The following NDUFS6 variants were observed in gnomAD, a reference collection of about 807,000 sequenced individuals.
NDUFS6 encodes NADH dehydrogenase [ubiquinone] iron-sulfur protein 6, mitochondrial.
A neutral mutation model predicts 13.2 loss-of-function variants in NDUFS6; 14 were observed. That is an observed-to-expected ratio of 1.06 (90% CI 0.70 to 1.66). The LOEUF is 1.66. Ranked by LOEUF, NDUFS6 falls within the 40% of genes most tolerant of loss-of-function variation. NDUFS6 has a pLI of 0.00. For synonymous variants in NDUFS6, 95 were observed against 72.3 expected, an observed-to-expected ratio of 1.31 and a Z score of -1.60; for missense variants, 206 against 170.8, an observed-to-expected ratio of 1.21 and a Z score of -1.15.
chr5:1,810,817 C>T (rs539673034), intron 2 of NDUFS6, among the ~76,000 whole-genome samples: 1 of 152,310 alleles, frequency 6.6e-6, no homozygotes, highest in South Asian at 2.1e-4. Flanking sequence ...TCCCCCGGCC[C>T]CCCAGCCCCT....
chr5:1,802,215 C>T, intron 1 of NDUFS6, 106 bp from the exon 2 acceptor site: 1 of 1,085,314 alleles, frequency 9.2e-7, no homozygotes, highest in Non-Finnish European at 1.4e-6. Flanking sequence ...TCATCAATGG[C>T]CTAAAAGTTA....
At chr5:1,802,005 T>C in intron 1 of NDUFS6, 1 of 422,956 alleles carries the variant, frequency 2.4e-6, no homozygotes, top group Non-Finnish European at 4.3e-6. Flanking sequence ...AATGGGGGGA[T>C]AGTAAAGCTC....
chr5:1,808,407 G>GCT (rs1360252759), intron 2 of NDUFS6, among the ~76,000 whole-genome samples: 2 of 152,340 alleles, frequency 1.3e-5, no homozygotes, highest in African/African-American at 4.8e-5. Flanking sequence ...AGAACCGTGG[G>GCT]TCTTTGCTTC....
rs1554018243 is a variant in NDUFS6 at position 1,802,319 on chromosome 5, A to G, written c.133-2A>G. 6.2e-7 allele frequency: 1 copy of G among 1,613,798 alleles called. No homozygotes were observed. Among genetic ancestry groups the G allele is most frequent in the Non-Finnish European group, 8.5e-7 (1 of 1,179,840 alleles). On this transcript the variant is annotated splice_acceptor_variant, in intron 1 of 3. Coordinates refer to ENST00000274137, the MANE Select transcript of NDUFS6 (RefSeq NM_004553.6). LOFTEE classifies it high-confidence loss of function. ...ACACATGGTCTTTTTGTTTTTTTCC[A>G]GGTTTATGATGATAAAGACTACAGG...
intron 2 of NDUFS6, among the ~76,000 whole-genome samples, chr5:1,811,179 C>A (rs1425808367): frequency 6.6e-6 from 1 of 152,164 alleles, no homozygotes; most frequent in Non-Finnish European, 1.5e-5. Flanking sequence ...TGTTAATCGA[C>A]CATTTATGTT....
rs141389605 is a variant in NDUFS6 at position 1,801,455 on chromosome 5, G to A, written c.38G>A (p.Arg13Gln). The change falls in exon 1 of 4, where the codon CGG becomes CAG. Residue 13 changes from arginine to glutamine, a missense_variant. By Grantham distance (43) the Arg-to-Gln change is conservative. Coordinates refer to ENST00000274137, the MANE Select transcript of NDUFS6 (RefSeq NM_004553.6). ...ATGACCTTCTGCCGGCTGCTGAACC[G>A]GTGTGGCGAGGCGGCGCGGAGCCTG... ...AAMTFCRLLN[R>Q]CGEAARSLPL... 25 of 1,604,698 alleles carry A rather than the reference G, an allele frequency of 1.6e-5. No homozygotes were observed. In the African/African-American group the frequency reaches 2.9e-4, roughly 19 times the overall value.
At chr5:1,802,525 A>G (rs1357960727) in intron 2 of NDUFS6, 151 bp downstream of exon 2, 1 of 624,178 alleles carries the variant, frequency 1.6e-6, no homozygotes, top group African/African-American at 1.9e-5. Flanking sequence ...CTTTCTTAAA[A>G]TCTTAATTGT....
At position 1,801,504 on chromosome 5, in the gene NDUFS6, G is replaced by C. The variant is rs771615794; in HGVS notation, c.87G>C (p.Gly29=). The C allele has an allele frequency of 8.1e-6, 13 of 1,601,198 alleles. No homozygotes were observed. The highest frequency in any genetic ancestry group is 1.0e-5 in the Non-Finnish European group (12 of 1,178,632). The change falls in exon 1 of 4, where the codon GGG becomes GGC. Residue 29 remains glycine, a synonymous_variant. Coordinates refer to ENST00000274137, the MANE Select transcript of NDUFS6 (RefSeq NM_004553.6). ...TGCCCCTGGGCGCCAGGTGTTTCGG[G>C]GTGCGGGTCTCGCCGACCGGGGAGA... ...RSLPLGARCF[G]VRVSPTGEKV...
intron 2 of NDUFS6, among the ~76,000 whole-genome samples, chr5:1,803,394 G>T (rs898673710): frequency 1.3e-5 from 2 of 152,184 alleles, no homozygotes; most frequent in African/African-American, 4.8e-5. Context: ...ACATTCAGTG[G>T]AAGAGTGTGC....
At chr5:1,805,152 G>A (rs1734104361) in intron 2 of NDUFS6, among the ~76,000 whole-genome samples, 1 of 152,144 alleles carries the variant, frequency 6.6e-6, no homozygotes, top group Non-Finnish European at 1.5e-5. Flanking sequence ...GCAATATGGT[G>A]AAACCCTGTG....
intron 2 of NDUFS6, among the ~76,000 whole-genome samples, chr5:1,810,267 C>T (rs1734198054): frequency 6.6e-6 from 1 of 152,248 alleles, no homozygotes; most frequent in South Asian, 2.1e-4. Context: ...AGGGTTGTGT[C>T]ATGCTTGGCG....
At chr5:1,807,342 G>T (rs943819477) in intron 2 of NDUFS6, among the ~76,000 whole-genome samples, 6 of 152,192 alleles carry the variant, frequency 3.9e-5, no homozygotes, top group Non-Finnish European at 7.3e-5. Flanking sequence ...GAAGGTGGAA[G>T]GTTCTGGAGA....
Position 1,814,821 on chromosome 5 carries a change from G to T in NDUFS6, c.309+360G>T, listed in dbSNP as rs1561108342. ...AACAAACACATTTCCCACAGCGCTG[G>T]AGGCTGCAGCCCAAGACCACCGTGC... On this transcript the variant is annotated intron_variant, in intron 3 of 3. Coordinates refer to ENST00000274137, the MANE Select transcript of NDUFS6 (RefSeq NM_004553.6). The surrounding 1 kb of genome is among the most constrained non-coding windows in gnomAD (Gnocchi z 4.9). 1.7e-5 allele frequency: 11 copies of T among 636,678 alleles called. No homozygotes were observed. The highest frequency in any genetic ancestry group is 5.6e-6 in the Non-Finnish European group (2 of 354,124). The allele number at this position is 636,678 out of a possible 1,614,324, so 39.4% of individuals were successfully genotyped here.
intron 2 of NDUFS6, 133 bp downstream of exon 2, chr5:1,802,507 G>C: frequency 1.5e-6 from 1 of 666,966 alleles, no homozygotes; most frequent in Non-Finnish European, 2.5e-6. Context: ...TTCTGGATGG[G>C]GTTCTTCCTT....
Position 1,814,722 on chromosome 5 carries a change from C to T in NDUFS6, c.309+261C>T, listed in dbSNP as rs1454421774. ...TCGGACGCCCAAGCGTCTTTCCTCT[C>T]TGGGCCCTTCTCGGTTTGGTCATCA... On this transcript the variant is annotated intron_variant, in intron 3 of 3. Transcript: ENST00000274137. The surrounding 1 kb of genome is among the most constrained non-coding windows in gnomAD (Gnocchi z 4.9). 7 of 707,764 alleles carry T rather than the reference C, an allele frequency of 9.9e-6. No individual in the cohort carries two copies. Among genetic ancestry groups the T allele is most frequent in the African/African-American group, 1.7e-5 (1 of 57,272 alleles). 43.8% of individuals were successfully genotyped at this position (707,764 alleles called of 1,614,324 possible). A position where few individuals can be genotyped will look rare whatever the true frequency, so the allele number is the denominator to read the frequency against.
intron 1 of NDUFS6, among the ~76,000 whole-genome samples, chr5:1,801,917 T>G (rs901178043): frequency 6.6e-6 from 1 of 152,186 alleles, no homozygotes; most frequent in Non-Finnish European, 1.5e-5. Flanking sequence ...TCGGTTGTAG[T>G]CCAAGGCACA....
At position 1,801,436 on chromosome 5, in the gene NDUFS6, T is replaced by A. The variant is rs1397805551; in HGVS notation, c.19T>A (p.Phe7Ile). 6 of 1,604,936 alleles carry A rather than the reference T, an allele frequency of 3.7e-6. No individual in the cohort carries two copies. The highest frequency in any genetic ancestry group is 4.2e-6 in the Non-Finnish European group (5 of 1,178,398). MAAAMT[F>I]CRLLNRCGEA... Reference sequence around the variant, plus strand: ...GCGCAAAATGGCGGCGGCGATGACCTTCTGCCGGCTGCTGAACCGGTGTGG... The same window carrying A: ...GCGCAAAATGGCGGCGGCGATGACCATCTGCCGGCTGCTGAACCGGTGTGG... Residue 7 changes from phenylalanine to isoleucine, a missense_variant, in exon 1 of 4, where the codon TTC becomes ATC. By Grantham distance (21) the Phe-to-Ile change is conservative. Transcript: ENST00000274137.
intron 2 of NDUFS6, among the ~76,000 whole-genome samples, chr5:1,808,838 C>T (rs1375166032): frequency 1.3e-5 from 2 of 152,242 alleles, no homozygotes; most frequent in African/African-American, 2.4e-5. Context: ...TGTATACACA[C>T]GTTTAGCTTA....
At chr5:1,809,795 G>A (rs149062079) in intron 2 of NDUFS6, among the ~76,000 whole-genome samples, 27 of 152,324 alleles carry the variant, frequency 1.8e-4, no homozygotes, top group African/African-American at 6.3e-4. Context: ...GCAGAACATC[G>A]CTCACTCCAG....
Sources: allele counts gnomAD v4.1 joint callset (sites outside exome capture counted in the v4.1 genomes callset), GRCh38; gene constraint gnomAD v4.1.1; non-coding constraint Gnocchi (gnomAD v3.1); transcripts MANE v1.5; gene names NCBI Gene and HGNC (gene_info 2026-07-23, HGNC 2026-07-21).